Variants in SCN11A observed in about 807,000 individuals in gnomAD.
SCN11A encodes sodium channel protein type 11 subunit alpha.
SCN11A carries 122 observed loss-of-function variants against 162.2 expected under a neutral mutation model. The observed-to-expected ratio is 0.75, with a 90% confidence interval of 0.65 to 0.87. The LOEUF is 0.87. Ranked by LOEUF, SCN11A falls within the 40% of genes least tolerant of loss-of-function variation. The pLI, the probability that SCN11A is intolerant of heterozygous loss-of-function variation, is 0.00. For missense variants in SCN11A, 2,015 were observed against 2,181.6 expected (o/e 0.92, Z 1.52); for synonymous variants, 758 against 751.5 (o/e 1.01, Z -0.14).
rs2064764538 is a variant in SCN11A at position 38,850,742 on chromosome 3, G to C, written c.4066C>G (p.Gln1356Glu). The change falls in exon 29 of 30, where the codon CAA (glutamine) becomes GAA (glutamate). Residue 1356 changes from glutamine (Q) to glutamate (E), a missense_variant. Physicochemically the swap from Gln to Glu is conservative, Grantham distance 29. Transcript: ENST00000302328. ...GTGACTATGTCGAACACGAGACCTTGACATTTGTTCTGAGAAAAAAAAGAA... is the reference window on the plus strand; with the variant it reads ...GTGACTATGTCGAACACGAGACCTTCACATTTGTTCTGAGAAAAAAAAGAA... The part of the protein sequence containing the change: ...KPIPRPLNKC[Q>E]GLVFDIVTSQ... The C allele has an allele frequency of 1.2e-6, 2 of 1,600,312 alleles. No individual in the cohort carries two copies. Among genetic ancestry groups the C allele is most frequent in the Non-Finnish European group, 1.7e-6 (2 of 1,172,478 alleles).
chr3:38,964,745 GA>G (rs973208799), intron 2 of SCN11A, among the ~76,000 whole-genome samples: 1 of 152,232 alleles, frequency 6.6e-6, no homozygotes, highest in African/African-American at 2.4e-5. Flanking sequence ...TTGCCAAAAG[GA>G]GGAGCATGGA....
chr3:38,970,125 G>T (rs1192236980), intron 2 of SCN11A, among the ~76,000 whole-genome samples: 1 of 152,204 alleles, frequency 6.6e-6, no homozygotes, highest in Non-Finnish European at 1.5e-5. Flanking sequence ...TTTCTGTAGG[G>T]GAGAGAGCGG....
chr3:39,036,716 A>G (rs889676066), intron 1 of SCN11A, among the ~76,000 whole-genome samples: 1 of 152,260 alleles, frequency 6.6e-6, no homozygotes, highest in African/African-American at 2.4e-5. Context: ...ATTTCTCAAA[A>G]GAAGACATAC....
chr3:38,879,019 T>G (rs1347535172), intron 23 of SCN11A, among the ~76,000 whole-genome samples: 1 of 152,132 alleles, frequency 6.6e-6, no homozygotes, highest in Non-Finnish European at 1.5e-5. Flanking sequence ...CATAATCACA[T>G]GTATCCTGAA....
chr3:38,923,708 G>T (rs145042945), intron 9 of SCN11A, among the ~76,000 whole-genome samples: 1 of 152,150 alleles, frequency 6.6e-6, no homozygotes, highest in Admixed American at 6.6e-5. Flanking sequence ...ATGGTCTCTT[G>T]TGTCAGTTTG....
chr3:38,848,227 A>C (rs2064708218), intron 29 of SCN11A, among the ~76,000 whole-genome samples: 1 of 152,258 alleles, frequency 6.6e-6, no homozygotes, highest in South Asian at 2.1e-4. Context: ...GTTTGATCAA[A>C]CAGCTGAATA....
At chr3:38,928,320 A>G (rs1018744366) in intron 7 of SCN11A, among the ~76,000 whole-genome samples, 1 of 152,306 alleles carries the variant, frequency 6.6e-6, no homozygotes, top group African/African-American at 2.4e-5. Context: ...TGAGTTGAAC[A>G]ATAAGAACAC....
chr3:38,862,296 T>A (rs2064976936), intron 28 of SCN11A, among the ~76,000 whole-genome samples: 1 of 152,136 alleles, frequency 6.6e-6, no homozygotes, highest in Non-Finnish European at 1.5e-5. Context: ...GGTGGGAATA[T>A]AAACTAGTAT....
chr3:38,992,677 T>C (rs1292684461), intron 2 of SCN11A, among the ~76,000 whole-genome samples: 1 of 152,206 alleles, frequency 6.6e-6, no homozygotes, highest in Non-Finnish European at 1.5e-5. Context: ...ATACCTTTAG[T>C]CTCACCAAAT....
intron 2 of SCN11A, among the ~76,000 whole-genome samples, chr3:38,998,437 T>C (rs1357118492): frequency 2.0e-5 from 3 of 152,218 alleles, no homozygotes; most frequent in Non-Finnish European, 4.4e-5. Context: ...TAGTGGGCTT[T>C]GTAAGCTCTT....
At chr3:38,927,222 G>GTTGT (rs2066157459) in intron 7 of SCN11A, among the ~76,000 whole-genome samples, 1 of 152,172 alleles carries the variant, frequency 6.6e-6, no homozygotes, top group Non-Finnish European at 1.5e-5. Flanking sequence ...AGCACTGGAG[G>GTTGT]TTGTACTTTG....
intron 23 of SCN11A, among the ~76,000 whole-genome samples, chr3:38,877,065 ATATATATGGTG>A (rs1280489963): frequency 7.6e-6 from 1 of 131,074 alleles, no homozygotes; most frequent in Non-Finnish European, 1.6e-5. Flanking sequence ...TATATATGGT[ATATATATGGTG>A]TATATACTAT....
rs767108466 is a variant in SCN11A at position 38,910,095 on chromosome 3, G to C, written c.1072C>G (p.Gln358Glu). The change falls in exon 12 of 30, where the codon CAA (glutamine) becomes GAA (glutamate). Residue 358 changes from glutamine (Q) to glutamate (E), a missense_variant. Transcript: ENST00000302328. ...TGATAAAGCTTCTCCCAGGAATCTT[G>C]GGTCATCAGCCGGAACATGGCAAGA... ...SFLAMFRLMT[Q>E]DSWEKLYQQT... is the part of the protein sequence containing the mutation. 1 of 1,613,808 alleles carries C rather than the reference G, an allele frequency of 6.2e-7. No homozygotes were observed. Among genetic ancestry groups the C allele is most frequent in the Non-Finnish European group, 8.5e-7 (1 of 1,179,894 alleles).
intron 22 of SCN11A, among the ~76,000 whole-genome samples, chr3:38,882,032 G>T (rs2065318096): frequency 6.6e-6 from 1 of 152,148 alleles, no homozygotes; most frequent in South Asian, 2.1e-4. Flanking sequence ...ACAGTAGACA[G>T]CCAGTGAAAA....
chr3:38,872,621 C>T (rs1414167985), intron 23 of SCN11A, among the ~76,000 whole-genome samples: 1 of 152,054 alleles, frequency 6.6e-6, no homozygotes, highest in East Asian at 1.9e-4. Flanking sequence ...ATTGCCATAA[C>T]AAAGATCTTT....
intron 16 of SCN11A, among the ~76,000 whole-genome samples, chr3:38,902,681 C>A (rs1195535753): frequency 6.6e-6 from 1 of 152,066 alleles, no homozygotes; most frequent in Non-Finnish European, 1.5e-5. Flanking sequence ...CCATGCCCGG[C>A]TAAATTTTTG....
intron 11 of SCN11A, among the ~76,000 whole-genome samples, chr3:38,913,250 A>G (rs2065910987): frequency 6.6e-6 from 1 of 151,872 alleles, no homozygotes. Context: ...TGAGCTTTTT[A>G]TCATATGCTC....
At chr3:38,883,494 A>G in intron 21 of SCN11A, 107 bp from the exon 22 acceptor site, 1 of 988,350 alleles carries the variant, frequency 1.0e-6, no homozygotes, top group Non-Finnish European at 1.5e-6. Flanking sequence ...TGCGACCTGC[A>G]GTTGCTCCCA....
At chr3:38,926,126 G>T (rs2066136999) in intron 8 of SCN11A, among the ~76,000 whole-genome samples, 1 of 152,180 alleles carries the variant, frequency 6.6e-6, no homozygotes, top group African/African-American at 2.4e-5. Flanking sequence ...ATGTGTCACT[G>T]CATTTCTTAT....
Sources: allele counts gnomAD v4.1 joint callset (sites outside exome capture counted in the v4.1 genomes callset), GRCh38; gene constraint gnomAD v4.1.1; transcripts MANE v1.5; gene names NCBI Gene and HGNC (gene_info 2026-07-23, HGNC 2026-07-21).